Variants in GOLGA3 observed in about 807,000 individuals in gnomAD.
GOLGA3 encodes golgin A3.
Under a neutral mutation model 169.4 loss-of-function variants are expected in GOLGA3, and 75 were observed. The ratio of observed to expected loss-of-function variants is 0.44; its 90% CI spans 0.37 to 0.54. The LOEUF is 0.54. Among genes scored for constraint, GOLGA3 ranks in the 20% least tolerant of loss-of-function variants. The pLI, the probability that GOLGA3 is intolerant of heterozygous loss-of-function variation, is 0.00. For missense variants in GOLGA3, 1,899 were observed against 1,930.0 expected, an observed-to-expected ratio of 0.98 and a Z score of 0.30; for synonymous variants, 824 against 822.4, an observed-to-expected ratio of 1.00 and a Z score of -0.03.
rs532806985 is a variant in GOLGA3 at position 132,774,411 on chromosome 12, A to G, written c.4144-91T>C. The G allele has an allele frequency of 1.2e-5, 18 of 1,442,094 alleles. No individual in the cohort carries two copies. The South Asian group carries it at 1.3e-4, about 10-fold the overall frequency. 89.3% of individuals were successfully genotyped at this position (1,442,094 alleles called of 1,614,324 possible). On this transcript the variant is annotated intron_variant, in intron 22 of 23. Transcript: ENST00000450791. ...AGCTTGTGGCAAACGGGCCTCCCCA[A>G]CTGGTGGACGTGGGGCCTCTGGGAA...
At chr12:132,802,227 C>T (rs78336713) in intron 7 of GOLGA3, among the ~76,000 whole-genome samples, 4,012 of 152,384 alleles carry the variant, frequency 0.026, 161 homozygotes, top group African/African-American at 0.091. Context: ...CTCATCAATA[C>T]ATAACCTCTG....
At chr12:132,798,624 C>T in intron 8 of GOLGA3, 147 bp from the exon 9 acceptor site, 1 of 562,622 alleles carries the variant, frequency 1.8e-6, no homozygotes, top group East Asian at 3.3e-5. Flanking sequence ...TACACGTCTT[C>T]CCATCTCAAA....
chr12:132,805,628 C>T (rs964411367), intron 6 of GOLGA3, among the ~76,000 whole-genome samples: 4 of 151,400 alleles, frequency 2.6e-5, no homozygotes, highest in East Asian at 2.0e-4. Context: ...CAGAGGACCC[C>T]GAGACCCCCA....
At chr12:132,821,680 C>T (rs1950220840) in intron 2 of GOLGA3, among the ~76,000 whole-genome samples, 1 of 151,436 alleles carries the variant, frequency 6.6e-6, no homozygotes, top group African/African-American at 2.4e-5. Context: ...CGGTGAAACC[C>T]CGTCTCTACT....
In GOLGA3 at chr12:132,792,597, C is replaced by G. The variant is rs1031646417; in HGVS notation, c.2470-1304G>C. ...GGACCTGCACTCAGAGGGCTCCACA[C>G]AGACCCACCCCACGGGACCTGCACT... On this transcript the variant is annotated intron_variant, in intron 11 of 23. Coordinates refer to ENST00000450791, the MANE Select transcript of GOLGA3 (RefSeq NM_001389683.1). 2.0e-5 allele frequency among the ~76,000 whole-genome samples: 3 copies of G among 151,748 alleles called. No homozygotes were observed. The East Asian group carries it at 5.8e-4, about 29-fold the overall frequency.
chr12:132,800,905 G>A (rs1949100011), intron 8 of GOLGA3, among the ~76,000 whole-genome samples: 1 of 152,214 alleles, frequency 6.6e-6, no homozygotes, highest in South Asian at 2.1e-4. Flanking sequence ...GCTGCAGTGA[G>A]CTGAGATCGC....
intron 13 of GOLGA3, among the ~76,000 whole-genome samples, chr12:132,787,303 C>A (rs553905441): frequency 3.2e-4 from 49 of 152,192 alleles, no homozygotes; most frequent in Non-Finnish European, 3.8e-4. Context: ...CTGTCCAGAG[C>A]ATCAGAGGCA....
chr12:132,789,170 C>G lies in GOLGA3; in HGVS notation c.2668G>C (p.Val890Leu). The change falls in exon 13 of 24, where the codon GTG becomes CTG. Residue 890 changes from valine to leucine, a missense_variant. Transcript: ENST00000450791. Reference protein sequence around the residue: ...LKELRQELMQVHGEKRTAEAE... With the variant: ...LKELRQELMQLHGEKRTAEAE... ...TCGGCAGTCCGCTTCTCCCCGTGCA[C>G]TTGCATCAGCTCCTGCCGCAGCTCC... The G allele has an allele frequency of 6.2e-7, 1 of 1,612,300 alleles. No homozygotes were observed. The highest frequency in any genetic ancestry group is 1.1e-5 in the South Asian group (1 of 91,090).
chr12:132,816,522 G>C lies in GOLGA3; in HGVS notation c.406+18C>G. 1 of 1,606,380 alleles carries C rather than the reference G, an allele frequency of 6.2e-7. No homozygotes were observed. The highest frequency in any genetic ancestry group is 2.2e-5 in the East Asian group (1 of 44,702). On this transcript the variant is annotated intron_variant, in intron 3 of 23. Coordinates refer to ENST00000450791, the MANE Select transcript of GOLGA3 (RefSeq NM_001389683.1). ...CGCGGACGTGGAGGGTGGGAAAAGC[G>C]GGGTAACGGATGCTTACACAGTTGC...
chr12:132,789,204 C>G lies in GOLGA3; in HGVS notation c.2634G>C (p.Ser878=), dbSNP rs751394340. The G allele has an allele frequency of 2.5e-6, 4 of 1,610,936 alleles. No individual in the cohort carries two copies. The highest frequency in any genetic ancestry group is 3.4e-6 in the Non-Finnish European group (4 of 1,180,014). ...GCTCCTGCCGCAGCTCCTTCAGCTC[C>G]GAGTCCAGCCTCTTCCTGGTGGCTT... ...ELKATRKRLD[S]ELKELRQELM... is the part of the protein sequence containing the mutation. Residue 878 remains serine (S), a synonymous_variant, in exon 13 of 24, where the codon TCG becomes TCC. Coordinates refer to ENST00000450791, the MANE Select transcript of GOLGA3 (RefSeq NM_001389683.1).
rs1165345281 is a variant in GOLGA3, at chr12:132,798,473, C to T, written c.1805G>A (p.Gly602Glu). Residue 602 changes from glycine to glutamate, a missense_variant, in exon 9 of 24, where the codon GGA (glycine) becomes GAA (glutamate). Coordinates refer to ENST00000450791, the MANE Select transcript of GOLGA3 (RefSeq NM_001389683.1). ...CAGGAGACCTGCCTGGGTCATCTGT[C>T]CAACCTTAAAAAAAAAACCCACAAA... ...LQGEMAHIQV[G>E]QMTQAGLLEH... The T allele has an allele frequency of 8.2e-6, 13 of 1,590,440 alleles. No homozygotes were observed. The highest frequency in any genetic ancestry group is 2.3e-5 in the South Asian group (2 of 86,312).
chr12:132,822,402 C>T (rs374332489), intron 1 of GOLGA3, 91 bp from the exon 2 acceptor site: 18 of 681,480 alleles, frequency 2.6e-5, no homozygotes, highest in Admixed American at 4.2e-5. Flanking sequence ...AATTTGCATA[C>T]GTACAAGAAA....
chr12:132,816,425 C>G (rs942122970), intron 3 of GOLGA3, 115 bp downstream of exon 3: 26 of 1,072,782 alleles, frequency 2.4e-5, no homozygotes, highest in Non-Finnish European at 3.4e-5. Context: ...TCAGATGGCA[C>G]ACGGCAGGCA....
intron 17 of GOLGA3, among the ~76,000 whole-genome samples, chr12:132,781,391 C>G (rs1489449814): frequency 6.6e-6 from 1 of 152,028 alleles, no homozygotes; most frequent in Non-Finnish European, 1.5e-5. Context: ...AACCTTGTCT[C>G]TACTAAAAAT....
chr12:132,819,156 G>C (rs932632704), intron 2 of GOLGA3, among the ~76,000 whole-genome samples: 2 of 152,196 alleles, frequency 1.3e-5, no homozygotes, highest in African/African-American at 2.4e-5. Flanking sequence ...CAACACCTCC[G>C]TGTCTCACAG....
intron 23 of GOLGA3, among the ~76,000 whole-genome samples, chr12:132,773,799 C>A (rs1027678764): frequency 2.0e-5 from 3 of 147,444 alleles, no homozygotes; most frequent in Admixed American, 6.7e-5. Context: ...TGTGAGTCCC[C>A]CTCCCCCTTT....
chr12:132,771,188 G>A lies in GOLGA3; in HGVS notation c.*1917C>T, dbSNP rs1009497693. 6.6e-6 allele frequency: 1 copy of A among 152,486 alleles called. No homozygotes were observed. Among genetic ancestry groups the A allele is most frequent in the African/African-American group, 2.4e-5 (1 of 41,388 alleles). The allele number at this position is 152,486 out of a possible 1,614,324, so 9.4% of individuals were successfully genotyped here. ...TTTTTTAAATACCAAACATCTTTGTGGTTAATGCTACCTTAACCTTACCAA... is the reference window on the plus strand; with the variant it reads ...TTTTTTAAATACCAAACATCTTTGTAGTTAATGCTACCTTAACCTTACCAA... On this transcript the variant is annotated 3_prime_UTR_variant, in exon 24 of 24. Coordinates refer to ENST00000450791, the MANE Select transcript of GOLGA3 (RefSeq NM_001389683.1).
intron 1 of GOLGA3, among the ~76,000 whole-genome samples, chr12:132,822,814 C>A (rs921631843): frequency 6.6e-6 from 1 of 152,126 alleles, no homozygotes; most frequent in Admixed American, 6.5e-5. Context: ...CCCAGCTACT[C>A]GGGAGGCTGA....
chr12:132,805,087 C>T, intron 6 of GOLGA3, 65 bp from the exon 7 acceptor site: 1 of 1,529,432 alleles, frequency 6.5e-7, no homozygotes. Flanking sequence ...AGTGTATTAA[C>T]AGGAACACAA....
Sources: allele counts gnomAD v4.1 joint callset (sites outside exome capture counted in the v4.1 genomes callset), GRCh38; gene constraint gnomAD v4.1.1; transcripts MANE v1.5; gene names NCBI Gene and HGNC (gene_info 2026-07-23, HGNC 2026-07-21).